FOXK2: variants seen among roughly 807,000 people sequenced by gnomAD.
FOXK2 encodes the protein forkhead box K2, also known as forkhead box protein K2.
Under a neutral mutation model 53.3 loss-of-function variants are expected in FOXK2, and 24 were observed. That is an observed-to-expected ratio of 0.45 (90% confidence interval 0.33 to 0.63). The LOEUF (loss-of-function observed/expected upper bound fraction) is 0.63, where lower values mean the gene tolerates loss of function less well. FOXK2 is among the 30% of genes least tolerant of loss of function. FOXK2 has a pLI of 0.03. For synonymous variants in FOXK2, 505 were observed against 407.1 expected, an observed-to-expected ratio of 1.24 and a Z score of -2.89; for missense variants, 952 against 910.5, an observed-to-expected ratio of 1.05 and a Z score of -0.59.
chr17:82,553,136 A>G (rs1414831431), intron 1 of FOXK2, among the ~76,000 whole-genome samples: 3 of 152,118 alleles, frequency 2.0e-5, no homozygotes, highest in African/African-American at 7.2e-5. Context: ...GGGTTTCACT[A>G]TGTTGGCCAG....
At chr17:82,542,829 G>A (rs2044587455) in intron 1 of FOXK2, among the ~76,000 whole-genome samples, 1 of 152,070 alleles carries the variant, frequency 6.6e-6, no homozygotes, top group Non-Finnish European at 1.5e-5. Flanking sequence ...CCAGTCTAAG[G>A]AACATAGTAG....
At chr17:82,533,958 C>A (rs570899035) in intron 1 of FOXK2, among the ~76,000 whole-genome samples, 1 of 151,196 alleles carries the variant, frequency 6.6e-6, no homozygotes, top group Non-Finnish European at 1.5e-5. Context: ...GAGATCACAC[C>A]GGTGCACTCC....
chr17:82,549,924 C>T (rs965733876), intron 1 of FOXK2, among the ~76,000 whole-genome samples: 43 of 152,148 alleles, frequency 2.8e-4, no homozygotes, highest in African/African-American at 9.9e-4. Flanking sequence ...AGGAAAAGGC[C>T]GGGCCCAGTG....
chr17:82,554,644 C>T (rs1296412304), intron 1 of FOXK2, among the ~76,000 whole-genome samples: 4 of 152,288 alleles, frequency 2.6e-5, no homozygotes, highest in South Asian at 2.1e-4. Flanking sequence ...CTTAACCTGT[C>T]CCTTCCTTCC....
At chr17:82,547,790 C>G (rs1035435696) in intron 1 of FOXK2, among the ~76,000 whole-genome samples, 1 of 152,194 alleles carries the variant, frequency 6.6e-6, no homozygotes, top group African/African-American at 2.4e-5. Context: ...CAGCCTCATC[C>G]CCCTGGAGAG....
chr17:82,576,645 G>C, intron 4 of FOXK2: 1 of 1,138,402 alleles, frequency 8.8e-7, no homozygotes, highest in Non-Finnish European at 1.3e-6. Flanking sequence ...AGCTGGCACA[G>C]AAGATGATTG....
At chr17:82,528,072 A>T (rs1488624484) in intron 1 of FOXK2, among the ~76,000 whole-genome samples, 2 of 152,186 alleles carry the variant, frequency 1.3e-5, no homozygotes, top group East Asian at 3.8e-4. Flanking sequence ...TGCTGGGATT[A>T]CAGGTGCGAG....
In FOXK2 at chr17:82,603,184, C is replaced by T. The variant is rs541222723; in HGVS notation, c.*1685C>T. ...TTAAGAAATAAAAGCAAAACCATCA[C>T]GTGACTGAGACCGTGTGTGTGACCG... On this transcript the variant is annotated 3_prime_UTR_variant, in exon 9 of 9. Coordinates refer to ENST00000335255, the MANE Select transcript of FOXK2 (RefSeq NM_004514.4). 3.3e-5 allele frequency: 5 copies of T among 152,412 alleles called. No individual in the cohort carries two copies. The highest frequency in any genetic ancestry group is 4.1e-4 in the South Asian group (2 of 4,826). 9.4% of individuals were successfully genotyped at this position (152,412 alleles called of 1,614,324 possible). A position where few individuals can be genotyped will look rare whatever the true frequency, so the allele number is the denominator to read the frequency against.
At position 82,603,052 on chromosome 17, in the gene FOXK2, C is replaced by T. The variant is rs183611112; in HGVS notation, c.*1553C>T. 194 of 152,670 alleles carry T rather than the reference C, an allele frequency of 1.3e-3. 1 individual carries two copies. The highest frequency in any genetic ancestry group is 2.3e-3 in the Non-Finnish European group (156 of 68,024). The allele number at this position is 152,670 out of a possible 1,614,324, so 9.5% of individuals were successfully genotyped here. A position where few individuals can be genotyped will look rare whatever the true frequency, so the allele number is the denominator to read the frequency against. ...AAGACCAAATATGATGAATCTGTTC[C>T]GTGAATTGTGTCGGCCCTCAGCATG... On this transcript the variant is annotated 3_prime_UTR_variant, in exon 9 of 9. Transcript: ENST00000335255.
At chr17:82,530,782 T>C (rs1488363030) in intron 1 of FOXK2, among the ~76,000 whole-genome samples, 1 of 152,188 alleles carries the variant, frequency 6.6e-6, no homozygotes, top group Non-Finnish European at 1.5e-5. Flanking sequence ...AGTGTTGGGA[T>C]CACAGGCCAA....
Position 82,584,195 on chromosome 17 carries a change from C to G in FOXK2, c.1279+7C>G. ...TTTGCCCAGAGCGCCCCAGGTGAGA[C>G]AGCGGGAGAGGAAGCGAGGGCCCCA... On this transcript the variant is annotated splice_region_variant and intron_variant, in intron 6 of 8. Coordinates refer to ENST00000335255, the MANE Select transcript of FOXK2 (RefSeq NM_004514.4). 6.3e-7 allele frequency: 1 copy of G among 1,584,246 alleles called. No homozygotes were observed. The highest frequency in any genetic ancestry group is 2.3e-5 in the East Asian group (1 of 44,110).
chr17:82,578,033 C>G (rs548315497), intron 4 of FOXK2: 1 of 152,414 alleles, frequency 6.6e-6, no homozygotes, highest in Admixed American at 6.5e-5. Flanking sequence ...CCACCGCACC[C>G]GTCACTTGAT....
chr17:82,578,581 A>G (rs944385462), intron 4 of FOXK2: 1 of 152,174 alleles, frequency 6.6e-6, no homozygotes, highest in Non-Finnish European at 1.5e-5. Context: ...ACTTTATTCT[A>G]TTTGTGTCTA....
Position 82,580,877 on chromosome 17 carries a change from G to C in FOXK2, c.910-1864G>C, listed in dbSNP as rs868379305. On this transcript the variant is annotated intron_variant, in intron 4 of 8. Transcript: ENST00000335255. The stretch of plus-strand genomic sequence containing the variant: ...TCCTCTCCATGTCACCCATGAAGTA[G>C]CTCCATCCACAGGGCCCAGATCCCT... 6.2e-3 allele frequency among the ~76,000 whole-genome samples: 875 copies of C among 141,798 alleles called. 4 individuals carry two copies. The highest frequency in any genetic ancestry group is 0.022 in the Middle Eastern group (6 of 272). 93.0% of individuals were successfully genotyped at this position (141,798 alleles called of 152,430 possible). A position where few individuals can be genotyped will look rare whatever the true frequency, so the allele number is the denominator to read the frequency against.
chr17:82,548,817 C>T (rs1260718950), intron 1 of FOXK2, among the ~76,000 whole-genome samples: 6 of 152,222 alleles, frequency 3.9e-5, no homozygotes, highest in South Asian at 2.1e-4. Flanking sequence ...TTTGGTTTTA[C>T]GTGAATGTCA....
rs759869395 is a variant in FOXK2 at position 82,601,310 on chromosome 17, G to A, written c.1794G>A (p.Ala598=). 1.2e-6 allele frequency: 2 copies of A among 1,611,064 alleles called. No individual in the cohort carries two copies. Among genetic ancestry groups the A allele is most frequent in the Non-Finnish European group, 1.7e-6 (2 of 1,178,736 alleles). ...AVHGQVNNAA[A]SPLHMLATHA... is the part of the protein sequence containing the mutation. Reference sequence around the variant, plus strand: ...TCCCTCGTGTCATTTCAGCCGCGGCGAGTCCTTTGCACATGTTGGCAACAC... The same window carrying A: ...TCCCTCGTGTCATTTCAGCCGCGGCAAGTCCTTTGCACATGTTGGCAACAC... Residue 598 remains alanine, a synonymous_variant, in exon 9 of 9, where the codon GCG becomes GCA. Coordinates refer to ENST00000335255, the MANE Select transcript of FOXK2 (RefSeq NM_004514.4).
chr17:82,521,517 A>G lies in FOXK2; in HGVS notation c.419+1210A>G, dbSNP rs532698932. 2.0e-5 allele frequency among the ~76,000 whole-genome samples: 3 copies of G among 151,878 alleles called. No homozygotes were observed. The East Asian group carries it at 5.8e-4, about 30-fold the overall frequency. On this transcript the variant is annotated intron_variant, in intron 1 of 8. Coordinates refer to ENST00000335255, the MANE Select transcript of FOXK2 (RefSeq NM_004514.4). Reference sequence around the variant, plus strand: ...GCTTTCGGTTGTTGGAGATGCTGGTAAGAGCTGTTGCTTTTCTTCTTGACT... The same window carrying G: ...GCTTTCGGTTGTTGGAGATGCTGGTGAGAGCTGTTGCTTTTCTTCTTGACT...
In FOXK2 at chr17:82,587,138, C is replaced by A. The variant is rs779943455; in HGVS notation, c.1652C>A (p.Thr551Asn). 1 of 1,613,130 alleles carries A rather than the reference C, an allele frequency of 6.2e-7. No homozygotes were observed. Among genetic ancestry groups the A allele is most frequent in the Middle Eastern group, 1.6e-4 (1 of 6,062 alleles). ...TASRIIQTAQ[T>N]TPVQTVTIVQ... ...AGCCGGATCATTCAGACGGCACAGA[C>A]CACCCCGGTCCAGACGGTGACCATA... The change falls in exon 8 of 9, where the codon ACC (threonine) becomes AAC (asparagine). Residue 551 changes from threonine (T) to asparagine (N), a missense_variant. Thr to Asn is a moderately conservative substitution (Grantham distance 65). Transcript: ENST00000335255.
intron 4 of FOXK2, among the ~76,000 whole-genome samples, chr17:82,576,037 C>T (rs1252369975): frequency 7.9e-6 from 1 of 126,354 alleles, no homozygotes; most frequent in Non-Finnish European, 1.6e-5. Context: ...GCGGGTTCGT[C>T]CACACCAGCG....
Sources: gnomAD v4.1 joint callset for allele counts (sites outside exome capture counted in the v4.1 genomes callset) on GRCh38, gnomAD v4.1.1 for gene constraint, MANE v1.5 for transcripts, NCBI Gene and HGNC (gene_info 2026-07-23, HGNC 2026-07-21) for gene names.